Variants in C9orf50 observed in about 807,000 individuals in gnomAD.
C9orf50 encodes chromosome 9 open reading frame 50, also known as uncharacterized protein C9orf50.
In C9orf50, 33 loss-of-function variants were observed where a neutral mutation model predicts 42.5. That is an observed-to-expected ratio of 0.78 (90% confidence interval 0.59 to 1.04). C9orf50 has a LOEUF of 1.04. Ranked by LOEUF, C9orf50 falls within the 50% of genes least tolerant of loss-of-function variation. C9orf50 has a pLI of 0.00. For synonymous variants in C9orf50, 257 were observed against 273.4 expected (o/e 0.94, Z 0.59); for missense variants, 547 against 594.3 (o/e 0.92, Z 0.83).
rs138485391 is a variant in C9orf50, at chr9:129,613,531, C to G, written c.947G>C (p.Ser316Thr). The G allele has an allele frequency of 2.4e-4, 393 of 1,614,218 alleles. No homozygotes were observed. In the African/African-American group the frequency reaches 4.0e-3, roughly 16 times the overall value. ...CAAACTCTCCAGCCGTTTTCCGACA[C>G]TCCCAAACACCCGCTCGGACGCCAC... The change falls in exon 5 of 7, where the codon AGT becomes ACT. Residue 316 changes from serine to threonine, a missense_variant. Coordinates refer to ENST00000372478, the Ensembl canonical transcript of C9orf50. This position sits in a 1 kb window ranked among gnomAD's most constrained non-coding sequence, Gnocchi z 6.2.
chr9:129,619,527 C>T, exon 3 of C9orf50: 1 of 1,612,906 alleles, frequency 6.2e-7, no homozygotes, highest in South Asian at 1.1e-5. Flanking sequence ...CACTGGTTGG[C>T]CTTTCTGACA....
Position 129,615,544 on chromosome 9 carries a change from G to A in C9orf50, c.820C>T (p.Arg274Ter), listed in dbSNP as rs199839916. ...TCCTGCAGGGTCTCGTCAGCGAATCGCACCCGGAAAGGGCAACGCTGCCTG... is the reference window on the plus strand; with the variant it reads ...TCCTGCAGGGTCTCGTCAGCGAATCACACCCGGAAAGGGCAACGCTGCCTG... Residue 274 changes from arginine to a stop codon, truncating the protein, a stop_gained, in exon 4 of 7, where the codon CGA becomes TGA. Transcript: ENST00000372478. LOFTEE classifies it high-confidence loss of function. 12 of 1,610,346 alleles carry A rather than the reference G, an allele frequency of 7.5e-6. No individual in the cohort carries two copies. The highest frequency in any genetic ancestry group is 2.2e-5 in the East Asian group (1 of 44,756).
chr9:129,615,694 C>G (rs1373466114), intron 3 of C9orf50, 47 bp from the exon 4 acceptor site: 3 of 1,484,300 alleles, frequency 2.0e-6, no homozygotes, highest in Non-Finnish European at 2.7e-6. Context: ...CCACCGTACC[C>G]CAGCACACAC....
upstream of C9orf50, among the ~76,000 whole-genome samples, chr9:129,621,464 C>T (rs138612709): frequency 5.5e-4 from 84 of 152,326 alleles, 1 homozygote; most frequent in African/African-American, 1.9e-3. Context: ...TCAAGTGATC[C>T]TCCTGCCTCA....
chr9:129,615,542 T>TCGCA lies in C9orf50; in HGVS notation c.818_821dup (p.Phe275AlafsTer4). ...TGTCCTGCAGGGTCTCGTCAGCGAA[T>TCGCA]CGCACCCGGAAAGGGCAACGCTGCC... On this transcript the variant is annotated frameshift_variant, in exon 4 of 7. Coordinates refer to ENST00000372478, the Ensembl canonical transcript of C9orf50. LOFTEE classifies it high-confidence loss of function. 2 of 1,610,878 alleles carry TCGCA rather than the reference T, an allele frequency of 1.2e-6. No homozygotes were observed. The highest frequency in any genetic ancestry group is 1.7e-4 in the Middle Eastern group (1 of 6,056).
chr9:129,613,203 G>A lies in C9orf50; in HGVS notation c.1092C>T (p.Asn364=), dbSNP rs775115872. ...TCCATGAACAGAAGGGCAGGCTGCT[G>A]TTCATGGAGGTGTCCTCAGAAAGGT... Residue 364 remains asparagine (N), a synonymous_variant, in exon 6 of 7, where the codon AAC becomes AAT. Coordinates refer to ENST00000372478, the Ensembl canonical transcript of C9orf50. The surrounding 1 kb of genome is among the most constrained non-coding windows in gnomAD (Gnocchi z 6.2). 6.2e-7 allele frequency: 1 copy of A among 1,613,458 alleles called. No individual in the cohort carries two copies. The highest frequency in any genetic ancestry group is 1.3e-5 in the African/African-American group (1 of 75,036).
In C9orf50 at chr9:129,613,310, C is replaced by G; in HGVS notation, c.1044-59G>C. On this transcript the variant is annotated intron_variant, in intron 5 of 6. Coordinates refer to ENST00000372478, the Ensembl canonical transcript of C9orf50. The surrounding 1 kb of genome is among the most constrained non-coding windows in gnomAD (Gnocchi z 6.2). ...CTCTGAGTCCCCGGCCCACCCATGG[C>G]TGGCAGGGCCCTTGAGGACCCACAC... 1 of 1,565,290 alleles carries G rather than the reference C, an allele frequency of 6.4e-7. No homozygotes were observed.
At position 129,619,637 on chromosome 9, in the gene C9orf50, C is replaced by A. The variant is rs774326129; in HGVS notation, c.600-1G>T. Reference sequence around the variant, plus strand: ...ATCCTGGAGGTGCGATGACTGGCCCCTTAAAGACAAACAGGCCACATCTGG... The same window carrying A: ...ATCCTGGAGGTGCGATGACTGGCCCATTAAAGACAAACAGGCCACATCTGG... On this transcript the variant is annotated splice_acceptor_variant, in intron 2 of 6. Coordinates refer to ENST00000372478, the Ensembl canonical transcript of C9orf50. LOFTEE classifies it high-confidence loss of function. 6.2e-7 allele frequency: 1 copy of A among 1,614,008 alleles called. No homozygotes were observed.
chr9:129,619,417 A>G, intron 3 of C9orf50, 103 bp downstream of exon 3: 2 of 811,072 alleles, frequency 2.5e-6, no homozygotes, highest in Non-Finnish European at 4.0e-6. Flanking sequence ...GAATGGGTAG[A>G]TAGGTGGATA....
Position 129,613,416 on chromosome 9 carries a change from C to T in C9orf50, c.1043+19G>A, listed in dbSNP as rs376865697. 64 of 1,610,972 alleles carry T rather than the reference C, an allele frequency of 4.0e-5. No individual in the cohort carries two copies. In the African/African-American group the frequency reaches 6.0e-4, roughly 15 times the overall value. On this transcript the variant is annotated intron_variant, in intron 5 of 6. Transcript: ENST00000372478. This position sits in a 1 kb window ranked among gnomAD's most constrained non-coding sequence, Gnocchi z 6.2. ...CCTGGCAATGTCCACGAGTCCCATC[C>T]GCTTCCCTGGAGCCTCACAGGCCAG...
intron 4 of C9orf50, among the ~76,000 whole-genome samples, chr9:129,615,040 C>T (rs965758705): frequency 6.6e-6 from 1 of 152,256 alleles, no homozygotes; most frequent in Admixed American, 6.5e-5. Context: ...TTCCGCTTCG[C>T]GGCTTTTCTG....
chr9:129,621,577 G>T (rs1042860757), upstream of C9orf50, among the ~76,000 whole-genome samples: 1 of 152,080 alleles, frequency 6.6e-6, no homozygotes, highest in African/African-American at 2.4e-5. Flanking sequence ...TATGTTGCAC[G>T]GGCTGGTCTT....
Position 129,613,652 on chromosome 9 carries a change from C to G in C9orf50, c.881-55G>C. 6.2e-7 allele frequency: 1 copy of G among 1,603,912 alleles called. No homozygotes were observed. The highest frequency in any genetic ancestry group is 1.1e-5 in the South Asian group (1 of 90,310). ...TGCCCAGGAGGAGGGCACTGGTGCC[C>G]CCACCCTCTTTTCCTCCCTCTGGCA... is the stretch of plus-strand genomic sequence containing the variant. On this transcript the variant is annotated intron_variant, in intron 4 of 6. Transcript: ENST00000372478. This position sits in a 1 kb window ranked among gnomAD's most constrained non-coding sequence, Gnocchi z 6.2.
intron 3 of C9orf50, among the ~76,000 whole-genome samples, chr9:129,615,989 C>T (rs959477224): frequency 3.9e-5 from 6 of 152,184 alleles, no homozygotes; most frequent in Non-Finnish European, 8.8e-5. Context: ...AGAGCTGGCG[C>T]CCTCGCACGT....
intron 3 of C9orf50, among the ~76,000 whole-genome samples, chr9:129,617,068 A>G (rs1204133884): frequency 7.1e-6 from 1 of 140,764 alleles, no homozygotes; most frequent in East Asian, 2.0e-4. Context: ...TTCGTCTCAA[A>G]AAAAAAGAAA....
chr9:129,614,873 G>C lies in C9orf50; in HGVS notation c.880+611C>G, dbSNP rs1458219622. Among the ~76,000 whole-genome samples, 3 of 152,044 alleles carry C rather than the reference G, an allele frequency of 2.0e-5. No homozygotes were observed. The highest frequency in any genetic ancestry group is 6.6e-5 in the Admixed American group (1 of 15,260). On this transcript the variant is annotated intron_variant, in intron 4 of 6. Coordinates refer to ENST00000372478, the Ensembl canonical transcript of C9orf50. The surrounding 1 kb of genome is among the most constrained non-coding windows in gnomAD (Gnocchi z 4.4). Reference sequence around the variant, plus strand: ...GCCGAGATCGCGCCACTGCACTCCAGCCTGGGCGACAGAGTGAGACTCCGT... The same window carrying C: ...GCCGAGATCGCGCCACTGCACTCCACCCTGGGCGACAGAGTGAGACTCCGT...
At position 129,620,359 on chromosome 9, in the gene C9orf50, G is replaced by A. The variant is rs377747523; in HGVS notation, c.216C>T (p.Gly72=). 9.0e-6 allele frequency: 11 copies of A among 1,228,472 alleles called. No individual in the cohort carries two copies. The highest frequency in any genetic ancestry group is 6.4e-5 in the East Asian group (2 of 31,028). The allele number at this position is 1,228,472 out of a possible 1,614,324, so 76.1% of individuals were successfully genotyped here. The change falls in exon 1 of 7, where the codon GGC becomes GGT. Residue 72 remains glycine (G), a synonymous_variant. Transcript: ENST00000372478. This position sits in a 1 kb window ranked among gnomAD's most constrained non-coding sequence, Gnocchi z 5.8. Reference sequence around the variant, plus strand: ...GCAGGCGCGGCGGGAGGCGTCCGACGCCCACCCCGGGCTTGGCGTCCCCTT... The same window carrying A: ...GCAGGCGCGGCGGGAGGCGTCCGACACCCACCCCGGGCTTGGCGTCCCCTT...
chr9:129,615,421 G>A, intron 4 of C9orf50, 63 bp downstream of exon 4: 1 of 1,476,774 alleles, frequency 6.8e-7, no homozygotes, highest in Non-Finnish European at 9.0e-7. Flanking sequence ...CGGAGCTACA[G>A]CCTCTCTGCC....
Position 129,620,419 on chromosome 9 carries a change from C to T in C9orf50, c.156G>A (p.Trp52Ter). 1 of 1,252,314 alleles carries T rather than the reference C, an allele frequency of 8.0e-7. No individual in the cohort carries two copies. Among genetic ancestry groups the T allele is most frequent in the Non-Finnish European group, 1.0e-6 (1 of 998,902 alleles). The allele number at this position is 1,252,314 out of a possible 1,614,324, so 77.6% of individuals were successfully genotyped here. The change falls in exon 1 of 7, where the codon TGG becomes TGA. Residue 52 changes from tryptophan to a stop codon, truncating the protein, a stop_gained. Coordinates refer to ENST00000372478, the Ensembl canonical transcript of C9orf50. LOFTEE classifies it high-confidence loss of function. The surrounding 1 kb of genome is among the most constrained non-coding windows in gnomAD (Gnocchi z 5.8). ...ACGCGGCGCCGCCCCCCGGGATCCT[C>T]CAGTCCCCGGAGCCCCGCGCGCCCA...
Sources: allele counts gnomAD v4.1 joint callset (sites outside exome capture counted in the v4.1 genomes callset), GRCh38; gene constraint gnomAD v4.1.1; non-coding constraint Gnocchi (gnomAD v3.1); transcripts MANE v1.5; gene names NCBI Gene and HGNC (gene_info 2026-07-23, HGNC 2026-07-21).